CLASP1: variants seen among roughly 807,000 people sequenced by gnomAD.
CLASP1 encodes the protein cytoplasmic linker associated protein 1.
A neutral mutation model predicts 192.3 loss-of-function variants in CLASP1; 38 were observed. That is an observed-to-expected ratio of 0.20 (90% CI 0.15 to 0.26). The LOEUF is 0.26. Ranked by LOEUF, CLASP1 falls within the 10% of genes least tolerant of loss-of-function variation. The pLI is 1.00. For synonymous variants in CLASP1, 691 were observed against 712.8 expected, an observed-to-expected ratio of 0.97 and a Z score of 0.49; for missense variants, 1,433 against 1,932.5, an observed-to-expected ratio of 0.74 and a Z score of 4.85.
chr2:121,378,335 G>A (rs1389813438), intron 33 of CLASP1, among the ~76,000 whole-genome samples: 1 of 152,092 alleles, frequency 6.6e-6, no homozygotes, highest in Non-Finnish European at 1.5e-5. Context: ...TCACATTCCT[G>A]GATGGACATC....
At chr2:121,431,091 T>C (rs1033781801) in intron 19 of CLASP1, among the ~76,000 whole-genome samples, 6 of 152,052 alleles carry the variant, frequency 3.9e-5, no homozygotes, top group African/African-American at 1.4e-4. Context: ...CTGGCTTTTA[T>C]GTTGTTCAAA....
chr2:121,433,917 G>T (rs1405667128), intron 19 of CLASP1, among the ~76,000 whole-genome samples: 1 of 152,042 alleles, frequency 6.6e-6, no homozygotes, highest in Non-Finnish European at 1.5e-5. Context: ...CGTAAGACTG[G>T]AATTACCTAA....
intron 19 of CLASP1, among the ~76,000 whole-genome samples, chr2:121,430,642 A>G (rs2149647343): frequency 6.6e-6 from 1 of 152,320 alleles, no homozygotes; most frequent in South Asian, 2.1e-4. Context: ...CCCAAAATAA[A>G]AAAGTCTACC....
intron 2 of CLASP1, among the ~76,000 whole-genome samples, chr2:121,588,908 T>C (rs916388814): frequency 1.3e-5 from 2 of 152,220 alleles, no homozygotes; most frequent in African/African-American, 4.8e-5. Flanking sequence ...TGCACAGCCA[T>C]GTCTCCCCGG....
In CLASP1 at chr2:121,531,119, C is replaced by T. The variant is rs771773278; in HGVS notation, c.196-794G>A. 116 of 627,914 alleles carry T rather than the reference C, an allele frequency of 1.8e-4. 1 individual carries two copies. The highest frequency in any genetic ancestry group is 6.3e-4 in the South Asian group (37 of 58,364). 38.9% of individuals were successfully genotyped at this position (627,914 alleles called of 1,614,324 possible). A position where few individuals can be genotyped will look rare whatever the true frequency, so the allele number is the denominator to read the frequency against. ...TGCACAAGACGCGTGGTTTTAGTGT[C>T]GCAAGTAAAGTTCTTTCAGTTTTTG... On this transcript the variant is annotated intron_variant, in intron 2 of 39. Coordinates refer to ENST00000263710, the Ensembl canonical transcript of CLASP1.
chr2:121,533,179 G>A (rs2104857241), intron 2 of CLASP1, among the ~76,000 whole-genome samples: 1 of 152,248 alleles, frequency 6.6e-6, no homozygotes, highest in East Asian at 1.9e-4. Flanking sequence ...GGGGAGCCTG[G>A]AAACTCCCGA....
At chr2:121,531,190 C>G (rs1043677563) in intron 2 of CLASP1, among the ~76,000 whole-genome samples, 3 of 152,238 alleles carry the variant, frequency 2.0e-5, no homozygotes, top group Non-Finnish European at 2.9e-5. Context: ...ACCCCTTTAA[C>G]TTTACGCCGA....
At chr2:121,441,660 C>T (rs900819200) in intron 19 of CLASP1, among the ~76,000 whole-genome samples, 9 of 152,112 alleles carry the variant, frequency 5.9e-5, no homozygotes, top group Non-Finnish European at 8.8e-5. Context: ...AGGAGGATCA[C>T]TTGAGCCTGG....
intron 16 of CLASP1, among the ~76,000 whole-genome samples, chr2:121,450,233 A>C (rs2085175589): frequency 6.6e-6 from 1 of 151,998 alleles, no homozygotes; most frequent in Admixed American, 6.6e-5. Context: ...TGGGAGGCTG[A>C]GGTAGGAGAA....
intron 1 of CLASP1, among the ~76,000 whole-genome samples, chr2:121,630,803 T>A (rs1354691517): frequency 6.9e-6 from 1 of 143,902 alleles, no homozygotes; most frequent in African/African-American, 2.6e-5. Flanking sequence ...GAGGTTGCAG[T>A]GAGCCAAGAT....
intron 1 of CLASP1, among the ~76,000 whole-genome samples, chr2:121,608,153 T>C (rs2064699826): frequency 6.6e-6 from 1 of 152,202 alleles, no homozygotes; most frequent in South Asian, 2.1e-4. Flanking sequence ...TTAGTACAAA[T>C]GTAATACTTG....
At chr2:121,353,792 GCACA>G (rs35208457) in intron 37 of CLASP1, among the ~76,000 whole-genome samples, 6 of 150,428 alleles carry the variant, frequency 4.0e-5, no homozygotes, top group Admixed American at 6.6e-5. Flanking sequence ...GCACATGCAC[GCACA>G]CACACACACA....
At chr2:121,585,130 A>G (rs2061576727) in intron 2 of CLASP1, among the ~76,000 whole-genome samples, 1 of 152,224 alleles carries the variant, frequency 6.6e-6, no homozygotes. Flanking sequence ...CCACACAGCT[A>G]GTGACGGAAG....
At chr2:121,350,841 G>T (rs558132078) in intron 37 of CLASP1, among the ~76,000 whole-genome samples, 3 of 152,332 alleles carry the variant, frequency 2.0e-5, no homozygotes, top group African/African-American at 7.2e-5. Context: ...TCTCAGGGCG[G>T]TAAGATAATG....
chr2:121,444,898 G>C, intron 19 of CLASP1: 2 of 1,318,466 alleles, frequency 1.5e-6, no homozygotes, highest in Non-Finnish European at 2.0e-6. Context: ...GAGGACCAGA[G>C]AAAGTGAGAC....
exon 15 of CLASP1, chr2:121,451,824 G>T: frequency 6.4e-7 from 1 of 1,573,068 alleles, no homozygotes; most frequent in Non-Finnish European, 8.6e-7. Flanking sequence ...TCTTGTAAAA[G>T]CAAATCTAAA....
At chr2:121,340,002 G>A (rs991570825) in exon 40 of CLASP1, 2 of 152,224 alleles carry the variant, frequency 1.3e-5, no homozygotes, top group Non-Finnish European at 2.9e-5. Flanking sequence ...GAGCCCCCAT[G>A]ACAACAGTGT....
chr2:121,629,314 C>T lies in CLASP1; in HGVS notation c.-286+20058G>A, dbSNP rs560079470. Among the ~76,000 whole-genome samples, 6 of 151,526 alleles carry T rather than the reference C, an allele frequency of 4.0e-5. No homozygotes were observed. The South Asian group carries it at 1.0e-3, about 26-fold the overall frequency. ...CTGAGGTGGGAGAATGGCATGAATC[C>T]GGGAGGCGGAGCTTGCAGTGATCTG... On this transcript the variant is annotated intron_variant, in intron 1 of 39. Coordinates refer to ENST00000263710, the Ensembl canonical transcript of CLASP1.
chr2:121,439,636 T>C (rs1416299857), intron 19 of CLASP1, among the ~76,000 whole-genome samples: 1 of 152,130 alleles, frequency 6.6e-6, no homozygotes, highest in African/African-American at 2.4e-5. Context: ...TGAGCGGTTT[T>C]GAGTTTATTG....
Sources: allele counts gnomAD v4.1 joint callset (sites outside exome capture counted in the v4.1 genomes callset), GRCh38; gene constraint gnomAD v4.1.1; transcripts MANE v1.5; gene names NCBI Gene and HGNC (gene_info 2026-07-23, HGNC 2026-07-21).